The following MYO3B variants were observed in gnomAD, a reference collection of about 807,000 sequenced individuals.
MYO3B encodes the protein myosin IIIB, also known as myosin-IIIb.
MYO3B carries 156 observed loss-of-function variants against 174.6 expected under a neutral mutation model. That is an observed-to-expected ratio of 0.89 (90% CI 0.78 to 1.02). The LOEUF is 1.02. Ranked by LOEUF, MYO3B falls within the 50% of genes least tolerant of loss-of-function variation. The probability of loss-of-function intolerance (pLI) is 0.00; values close to 1 mark genes in which losing one functional copy is unlikely to be tolerated. For synonymous variants in MYO3B, 563 were observed against 569.1 expected (o/e 0.99, Z 0.15); for missense variants, 1,632 against 1,639.4 (o/e 1.00, Z 0.08).
chr2:170,343,070 CACACA>C (rs2093988933), intron 8 of MYO3B, among the ~76,000 whole-genome samples: 1 of 151,016 alleles, frequency 6.6e-6, no homozygotes, highest in Non-Finnish European at 1.5e-5. Context: ...CACACACACA[CACACA>C]CACCCCTCTC....
chr2:170,327,101 A>C (rs999506636), intron 7 of MYO3B, among the ~76,000 whole-genome samples: 8 of 152,208 alleles, frequency 5.3e-5, no homozygotes, highest in Non-Finnish European at 2.9e-5. Context: ...AAAAGAATCA[A>C]CAAGGCTGGG....
chr2:170,325,325 A>T (rs560239191), intron 7 of MYO3B, among the ~76,000 whole-genome samples: 6 of 152,046 alleles, frequency 3.9e-5, no homozygotes, highest in Admixed American at 3.3e-4. Context: ...CTCCTGCTTC[A>T]GCCTCCCAAG....
chr2:170,524,409 ATCT>A, intron 30 of MYO3B: 1 of 390,222 alleles, frequency 2.6e-6, no homozygotes, highest in Non-Finnish European at 5.1e-6. Flanking sequence ...TTGAATTCAG[ATCT>A]TCTGTCTCCA....
intron 8 of MYO3B, among the ~76,000 whole-genome samples, chr2:170,363,701 T>C (rs1477453601): frequency 6.6e-6 from 1 of 152,162 alleles, no homozygotes; most frequent in Non-Finnish European, 1.5e-5. Flanking sequence ...TCAAATTAGA[T>C]AGTGGATTGA....
At chr2:170,329,259 G>GTATATA (rs140076957) in intron 7 of MYO3B, among the ~76,000 whole-genome samples, 8 of 149,148 alleles carry the variant, frequency 5.4e-5, no homozygotes, top group African/African-American at 1.0e-4. Context: ...GTGTGTGTGT[G>GTATATA]TATATATATA....
Position 170,611,113 on chromosome 2 carries a change from C to T in MYO3B, c.3734-40515C>T, listed in dbSNP as rs558560215. Among the ~76,000 whole-genome samples, 8 of 152,200 alleles carry T rather than the reference C, an allele frequency of 5.3e-5. No homozygotes were observed. In the South Asian group the frequency reaches 1.7e-3, roughly 32 times the overall value. On this transcript the variant is annotated intron_variant, in intron 32 of 34. Transcript: ENST00000408978. ...ACCCCAGTGAAAGGCATGGCAAATT[C>T]ATCAGGACTACAAACAAACCATGTT... is the stretch of plus-strand genomic sequence containing the variant.
chr2:170,271,962 T>TAC (rs2093428189), intron 7 of MYO3B, among the ~76,000 whole-genome samples: 1 of 152,132 alleles, frequency 6.6e-6, no homozygotes, highest in Non-Finnish European at 1.5e-5. Flanking sequence ...AAATAGCTCT[T>TAC]TGTATCTAGT....
At chr2:170,392,260 T>C (rs1282871178) in intron 15 of MYO3B, 121 bp from the exon 16 acceptor site, 1 of 592,634 alleles carries the variant, frequency 1.7e-6, no homozygotes, top group South Asian at 2.7e-5. Flanking sequence ...ACCACTGCAC[T>C]TCAGGCTGGG....
intron 14 of MYO3B, among the ~76,000 whole-genome samples, chr2:170,388,759 G>A (rs1357653743): frequency 6.6e-6 from 1 of 152,174 alleles, no homozygotes; most frequent in Admixed American, 6.5e-5. Flanking sequence ...AAGATGAGGA[G>A]TCTGAGAGAT....
chr2:170,202,881 G>A (rs2092677418), intron 3 of MYO3B, among the ~76,000 whole-genome samples: 1 of 152,196 alleles, frequency 6.6e-6, no homozygotes, highest in South Asian at 2.1e-4. Flanking sequence ...GAAAGGACGA[G>A]TGAGAAGCTA....
At chr2:170,279,831 G>A (rs1472667507) in intron 7 of MYO3B, among the ~76,000 whole-genome samples, 2 of 152,096 alleles carry the variant, frequency 1.3e-5, no homozygotes, top group South Asian at 2.1e-4. Context: ...ATTCCGTGGT[G>A]TATATATACC....
chr2:170,453,405 C>T (rs1436364485), intron 23 of MYO3B, among the ~76,000 whole-genome samples: 1 of 128,804 alleles, frequency 7.8e-6, no homozygotes, highest in Non-Finnish European at 1.6e-5. Flanking sequence ...TGATGTTTAC[C>T]ATTTACACAC....
chr2:170,516,642 CAAAAA>C (rs35780085), intron 29 of MYO3B, among the ~76,000 whole-genome samples: 6 of 108,224 alleles, frequency 5.5e-5, no homozygotes, highest in Non-Finnish European at 1.0e-4. Flanking sequence ...GACTCCGTCT[CAAAAA>C]AAAAAAAAAA....
intron 28 of MYO3B, among the ~76,000 whole-genome samples, chr2:170,514,237 A>G (rs1688153898): frequency 6.6e-6 from 1 of 152,228 alleles, no homozygotes; most frequent in Non-Finnish European, 1.5e-5. Context: ...CCTTGAGGTC[A>G]TGGAGAACGG....
intron 7 of MYO3B, among the ~76,000 whole-genome samples, chr2:170,282,619 T>G (rs551256784): frequency 1.8e-4 from 27 of 150,892 alleles, no homozygotes; most frequent in African/African-American, 5.9e-4. Flanking sequence ...AATTTTAGGG[T>G]TTTTTTTTCT....
At chr2:170,313,654 G>A (rs964408014) in intron 7 of MYO3B, among the ~76,000 whole-genome samples, 2 of 152,108 alleles carry the variant, frequency 1.3e-5, no homozygotes, top group Admixed American at 1.3e-4. Flanking sequence ...ATGCTCCTTT[G>A]AGAATATCCT....
intron 7 of MYO3B, among the ~76,000 whole-genome samples, chr2:170,279,916 G>A (rs2093494602): frequency 6.6e-6 from 1 of 152,130 alleles, no homozygotes; most frequent in South Asian, 2.1e-4. Context: ...GAATAGAGCT[G>A]CAGTAAACAT....
At chr2:170,636,701 C>T (rs566374597) in intron 32 of MYO3B, among the ~76,000 whole-genome samples, 2 of 152,224 alleles carry the variant, frequency 1.3e-5, no homozygotes, top group East Asian at 3.9e-4. Context: ...CAAGATCATT[C>T]CAGTGAAGAG....
chr2:170,250,306 G>A (rs11693430), intron 7 of MYO3B, among the ~76,000 whole-genome samples: 86,609 of 152,100 alleles, frequency 0.57, 25,058 homozygotes, highest in South Asian at 0.71. Context: ...AAGAAAGGAA[G>A]TAGTTACTGG....
Sources: allele counts gnomAD v4.1 joint callset (sites outside exome capture counted in the v4.1 genomes callset), GRCh38; gene constraint gnomAD v4.1.1; transcripts MANE v1.5; gene names NCBI Gene and HGNC (gene_info 2026-07-23, HGNC 2026-07-21).